Variants in PLPP1 observed in about 807,000 individuals in gnomAD.
The protein encoded by PLPP1 is phospholipid phosphatase 1.
A neutral mutation model predicts 31.2 loss-of-function variants in PLPP1; 24 were observed. The ratio of observed to expected loss-of-function variants is 0.77; its 90% CI spans 0.56 to 1.08. The LOEUF is 1.08. Among genes scored for constraint, PLPP1 ranks in the 50% least tolerant of loss-of-function variants. PLPP1 has a pLI of 0.00. For synonymous variants in PLPP1, 146 were observed against 126.3 expected, an observed-to-expected ratio of 1.16 and a Z score of -1.05; for missense variants, 319 against 342.7, an observed-to-expected ratio of 0.93 and a Z score of 0.55.
chr5:55,427,857 C>T (rs557136540), intron 4 of PLPP1, among the ~76,000 whole-genome samples: 24 of 152,100 alleles, frequency 1.6e-4, no homozygotes, highest in African/African-American at 5.8e-4. Context: ...GCGATCTCGG[C>T]TCACTGCAAC....
intron 3 of PLPP1, among the ~76,000 whole-genome samples, chr5:55,452,028 C>G (rs1256536712): frequency 1.3e-5 from 2 of 152,134 alleles, no homozygotes; most frequent in African/African-American, 4.8e-5. Flanking sequence ...GAGCTTGTTA[C>G]TCTCCTGCTT....
At position 55,534,621 on chromosome 5, in the gene PLPP1, G is replaced by T; in HGVS notation, c.9C>A (p.Asp3Glu). ...GGGCCACGTACGGCAGCCGCGTCTT[G>T]TCAAACATGGTCTCTGCCCGGGCTG... MFDKTRLPYVALD... is the reference protein window; with the variant it reads MFEKTRLPYVALD... The change falls in exon 1 of 6, where the codon GAC becomes GAA. Residue 3 changes from aspartate (D) to glutamate (E), a missense_variant. Coordinates refer to ENST00000307259, the MANE Select transcript of PLPP1 (RefSeq NM_003711.4). The T allele has an allele frequency of 6.4e-7, 1 of 1,557,158 alleles. No individual in the cohort carries two copies. Among genetic ancestry groups the T allele is most frequent in the Non-Finnish European group, 8.7e-7 (1 of 1,153,540 alleles).
chr5:55,492,182 T>A (rs1292903492), intron 1 of PLPP1, among the ~76,000 whole-genome samples: 1 of 152,180 alleles, frequency 6.6e-6, no homozygotes, highest in African/African-American at 2.4e-5. Flanking sequence ...ACTCACTATA[T>A]GCGCAATACT....
At chr5:55,470,927 T>G (rs1275003143) in intron 2 of PLPP1, among the ~76,000 whole-genome samples, 1 of 152,222 alleles carries the variant, frequency 6.6e-6, no homozygotes, top group Non-Finnish European at 1.5e-5. Flanking sequence ...AATAATTATC[T>G]AAATCAGAGT....
At chr5:55,513,514 C>T (rs1218743778) in intron 1 of PLPP1, among the ~76,000 whole-genome samples, 3 of 151,988 alleles carry the variant, frequency 2.0e-5, no homozygotes, top group African/African-American at 7.2e-5. Flanking sequence ...CCAGGTGATC[C>T]GCCCGCCTTG....
intron 1 of PLPP1, among the ~76,000 whole-genome samples, chr5:55,522,884 A>G (rs919102699): frequency 6.6e-6 from 1 of 151,982 alleles, no homozygotes; most frequent in African/African-American, 2.4e-5. Flanking sequence ...ACGCCCAGCT[A>G]ATTTTTTGTA....
At chr5:55,452,175 A>G (rs1316438041) in intron 3 of PLPP1, among the ~76,000 whole-genome samples, 1 of 152,146 alleles carries the variant, frequency 6.6e-6, no homozygotes, top group Non-Finnish European at 1.5e-5. Context: ...TCTCATGTTG[A>G]AATGTGATCC....
chr5:55,481,770 G>C (rs1003752624), intron 1 of PLPP1, among the ~76,000 whole-genome samples: 3 of 152,054 alleles, frequency 2.0e-5, no homozygotes, highest in African/African-American at 7.2e-5. Context: ...TCAAATAATG[G>C]AGCTATTACT....
intron 1 of PLPP1, among the ~76,000 whole-genome samples, chr5:55,486,561 G>A (rs1376859127): frequency 2.6e-5 from 4 of 151,948 alleles, no homozygotes; most frequent in African/African-American, 9.7e-5. Context: ...ACTCCAGCCT[G>A]GGCAACAGAG....
chr5:55,453,160 C>T (rs1751929669), intron 3 of PLPP1, among the ~76,000 whole-genome samples: 1 of 152,194 alleles, frequency 6.6e-6, no homozygotes, highest in Non-Finnish European at 1.5e-5. Flanking sequence ...CACCCACATG[C>T]ATCGAGTATC....
chr5:55,526,276 T>C lies in PLPP1; in HGVS notation c.58+8296A>G, dbSNP rs565171554. Among the ~76,000 whole-genome samples, 18 of 152,224 alleles carry C rather than the reference T, an allele frequency of 1.2e-4. No homozygotes were observed. The South Asian group carries it at 3.7e-3, about 32-fold the overall frequency. On this transcript the variant is annotated intron_variant, in intron 1 of 5. Coordinates refer to ENST00000307259, the MANE Select transcript of PLPP1 (RefSeq NM_003711.4). ...CAAAGGATGTAATTCAAAGAGAATA[T>C]AAAGGAAGAATTTACATTTCATAAA...
At chr5:55,452,356 T>C (rs1483317082) in intron 3 of PLPP1, among the ~76,000 whole-genome samples, 2 of 152,184 alleles carry the variant, frequency 1.3e-5, no homozygotes, top group Admixed American at 1.3e-4. Context: ...TCATGTGCCA[T>C]GTGGTATGCC....
chr5:55,428,505 C>G (rs1361324385), intron 4 of PLPP1, among the ~76,000 whole-genome samples: 1 of 152,202 alleles, frequency 6.6e-6, no homozygotes, highest in African/African-American at 2.4e-5. Flanking sequence ...CAAAAGTTTC[C>G]TATATGCGTA....
chr5:55,472,409 T>C (rs943748328), intron 2 of PLPP1, among the ~76,000 whole-genome samples: 1 of 152,080 alleles, frequency 6.6e-6, no homozygotes, highest in Non-Finnish European at 1.5e-5. Flanking sequence ...AAGACCATCC[T>C]GGCCAACATA....
chr5:55,470,522 A>C (rs1401814973), intron 2 of PLPP1, among the ~76,000 whole-genome samples: 1 of 152,238 alleles, frequency 6.6e-6, no homozygotes, highest in Non-Finnish European at 1.5e-5. Flanking sequence ...GATCTTCAGA[A>C]GTAGTGTAAG....
intron 4 of PLPP1, among the ~76,000 whole-genome samples, chr5:55,438,343 CTT>C (rs1366736796): frequency 6.6e-6 from 1 of 152,208 alleles, no homozygotes; most frequent in East Asian, 1.9e-4. Context: ...CTGACACTCT[CTT>C]GGCACAGTTA....
At chr5:55,492,333 A>C (rs1752913495) in intron 1 of PLPP1, among the ~76,000 whole-genome samples, 2 of 152,210 alleles carry the variant, frequency 1.3e-5, no homozygotes, top group South Asian at 4.1e-4. Context: ...GAAAATGATG[A>C]AACTGTTCTG....
intron 4 of PLPP1, among the ~76,000 whole-genome samples, chr5:55,427,507 T>C (rs1332023083): frequency 2.0e-5 from 3 of 152,172 alleles, no homozygotes; most frequent in Non-Finnish European, 1.5e-5. Flanking sequence ...AAATCAAAAA[T>C]AGCAACTCTA....
At chr5:55,483,071 T>C (rs991807877) in intron 1 of PLPP1, among the ~76,000 whole-genome samples, 3 of 152,142 alleles carry the variant, frequency 2.0e-5, no homozygotes, top group Non-Finnish European at 2.9e-5. Context: ...CCAAAAAATG[T>C]ATCCTGTGTT....
Sources: allele counts gnomAD v4.1 joint callset (sites outside exome capture counted in the v4.1 genomes callset), GRCh38; gene constraint gnomAD v4.1.1; transcripts MANE v1.5; gene names NCBI Gene and HGNC (gene_info 2026-07-23, HGNC 2026-07-21).